WASL: variants seen among roughly 807,000 people sequenced by gnomAD.
WASL encodes WASP like actin nucleation promoting factor.
WASL carries 20 observed loss-of-function variants against 55.5 expected under a neutral mutation model. The ratio of observed to expected loss-of-function variants is 0.36; its 90% CI spans 0.25 to 0.52. WASL has a LOEUF of 0.52. Ranked by LOEUF, WASL falls within the 20% of genes least tolerant of loss-of-function variation. The pLI is 0.92. For synonymous variants in WASL, 249 were observed against 217.6 expected (o/e 1.14, Z -1.27); for missense variants, 504 against 622.5 (o/e 0.81, Z 2.03).
Position 123,696,717 on chromosome 7 carries a change from A to G in WASL, c.491T>C (p.Ile164Thr). Residue 164 changes from isoleucine to threonine, a missense_variant, in exon 6 of 11, where the codon ATA (isoleucine) becomes ACA (threonine). Ile to Thr is a moderately conservative substitution (Grantham distance 89, BLOSUM62 -1). Coordinates refer to ENST00000223023, the MANE Select transcript of WASL (RefSeq NM_003941.4). ...ATTTGTTGTGATTTCTGGATTTTTT[A>G]TATCAACTGTAGCCATGGGTAGATT... is the stretch of plus-strand genomic sequence containing the variant. ...GPNLPMATVD[I>T]KNPEITTNRF... 6.3e-7 allele frequency: 1 copy of G among 1,598,168 alleles called. No homozygotes were observed. Among genetic ancestry groups the G allele is most frequent in the Non-Finnish European group, 8.5e-7 (1 of 1,172,330 alleles).
At chr7:123,702,245 G>A (rs1005182066) in intron 5 of WASL, among the ~76,000 whole-genome samples, 34 of 152,058 alleles carry the variant, frequency 2.2e-4, no homozygotes, top group Non-Finnish European at 2.5e-4. Flanking sequence ...TAATAGAGAC[G>A]GGGTTTCGTT....
chr7:123,740,017 T>C lies in WASL; in HGVS notation c.117+8601A>G, dbSNP rs576885750. On this transcript the variant is annotated intron_variant, in intron 1 of 10. Transcript: ENST00000223023. The stretch of plus-strand genomic sequence containing the variant: ...ATAACTGAGGGGTAAAACCTGGATT[T>C]TCCTTACTGCTCCCTCATATTCCAA... Among the ~76,000 whole-genome samples the C allele has an allele frequency of 9.9e-5, 15 of 152,104 alleles. No homozygotes were observed. In the South Asian group the frequency reaches 2.9e-3, roughly 29 times the overall value.
intron 5 of WASL, among the ~76,000 whole-genome samples, chr7:123,701,821 T>C (rs1454628193): frequency 6.6e-6 from 1 of 152,136 alleles, no homozygotes; most frequent in Non-Finnish European, 1.5e-5. Context: ...TTACAACTTG[T>C]ATTAATAATT....
At chr7:123,734,321 A>C (rs1804190214) in intron 1 of WASL, among the ~76,000 whole-genome samples, 1 of 152,160 alleles carries the variant, frequency 6.6e-6, no homozygotes, top group African/African-American at 2.4e-5. Flanking sequence ...AAAAAATCTG[A>C]CAAAGGACCT....
In WASL at chr7:123,689,046, A is replaced by C; in HGVS notation, c.1452T>G (p.Ser484=). ...VMQKRSKAIH[S]SDEDEDEDDE... ...TCTCTCTCTCTCTCTCTCTACCTGA[A>C]GAATGAATGGCTTTGCTCCTTTTCT... is the stretch of plus-strand genomic sequence containing the variant. The change falls in exon 10 of 11, where the codon TCT becomes TCG. Residue 484 remains serine, a synonymous_variant. Coordinates refer to ENST00000223023, the MANE Select transcript of WASL (RefSeq NM_003941.4). The C allele has an allele frequency of 2.5e-6, 4 of 1,609,784 alleles. No homozygotes were observed. The African/African-American group carries it at 5.3e-5, about 22-fold the overall frequency.
At chr7:123,747,314 TCTCGTTTTGAGCCA>T (rs1435266096) in intron 1 of WASL, among the ~76,000 whole-genome samples, 2 of 152,134 alleles carry the variant, frequency 1.3e-5, no homozygotes, top group Non-Finnish European at 2.9e-5. Flanking sequence ...TACCCAAAAT[TCTCGTTTTGAGCCA>T]CTCCTCTTGT....
chr7:123,705,770 A>G (rs1803659264), intron 4 of WASL, among the ~76,000 whole-genome samples: 1 of 152,194 alleles, frequency 6.6e-6, no homozygotes, highest in South Asian at 2.1e-4. Context: ...TTTATAGTAT[A>G]TAGCATTAGG....
rs1299991883 is a variant in WASL at position 123,684,210 on chromosome 7, T to C, written c.*309A>G. On this transcript the variant is annotated 3_prime_UTR_variant, in exon 11 of 11. Coordinates refer to ENST00000223023, the MANE Select transcript of WASL (RefSeq NM_003941.4). ...CTTCTGGCATTATAAGTAAATTACA[T>C]TAAGGTTTTTGTCAGTCTCACATAT... 1 of 157,816 alleles carries C rather than the reference T, an allele frequency of 6.3e-6. No homozygotes were observed. Among genetic ancestry groups the C allele is most frequent in the Non-Finnish European group, 1.4e-5 (1 of 71,992 alleles). 9.8% of individuals were successfully genotyped at this position (157,816 alleles called of 1,614,324 possible). A position where few individuals can be genotyped will look rare whatever the true frequency, so the allele number is the denominator to read the frequency against.
At chr7:123,725,393 A>C (rs1804025348) in intron 1 of WASL, among the ~76,000 whole-genome samples, 1 of 152,172 alleles carries the variant, frequency 6.6e-6, no homozygotes, top group Non-Finnish European at 1.5e-5. Flanking sequence ...GGAGGGATAT[A>C]ATTTGAAAAC....
At chr7:123,746,422 G>A (rs1418735823) in intron 1 of WASL, among the ~76,000 whole-genome samples, 1 of 152,178 alleles carries the variant, frequency 6.6e-6, no homozygotes, top group Non-Finnish European at 1.5e-5. Flanking sequence ...AAATCTTACT[G>A]CTGGATTTAT....
chr7:123,740,471 A>G (rs1001569014), intron 1 of WASL, among the ~76,000 whole-genome samples: 4 of 152,166 alleles, frequency 2.6e-5, no homozygotes, highest in African/African-American at 9.7e-5. Context: ...TTTGTATTAC[A>G]CTATATTTAT....
chr7:123,706,264 A>T lies in WASL; in HGVS notation c.436+13T>A, dbSNP rs368021313. ...GTTTGCTGGCCTGATTTAAGTAATT[A>T]AAAAAGGGTTACCAGATTTCCTTTG... On this transcript the variant is annotated intron_variant, in intron 4 of 10. Transcript: ENST00000223023. 4.0e-5 allele frequency: 65 copies of T among 1,608,610 alleles called. No homozygotes were observed. The highest frequency in any genetic ancestry group is 1.3e-4 in the African/African-American group (10 of 74,724).
intron 1 of WASL, among the ~76,000 whole-genome samples, chr7:123,747,755 C>A (rs1804458282): frequency 6.6e-6 from 1 of 152,124 alleles, no homozygotes; most frequent in African/African-American, 2.4e-5. Context: ...AACCTCCCCA[C>A]CCCCAGAATT....
intron 1 of WASL, among the ~76,000 whole-genome samples, chr7:123,719,540 T>C (rs986040459): frequency 7.2e-5 from 11 of 152,194 alleles, no homozygotes; most frequent in East Asian, 3.9e-4. Flanking sequence ...CCAGGACACA[T>C]AGCCCTTCTG....
Position 123,728,863 on chromosome 7 carries a change from A to AAAAAC in WASL, c.118-19645_118-19641dup, listed in dbSNP as rs779867306. On this transcript the variant is annotated intron_variant, in intron 1 of 10. Coordinates refer to ENST00000223023, the MANE Select transcript of WASL (RefSeq NM_003941.4). ...TTAGTCGTCTGGAGACTCTGTCTCA[A>AAAAAC]AAAACAAAACAAAACAAACGAACGA... is the stretch of plus-strand genomic sequence containing the variant. Among the ~76,000 whole-genome samples, 6 of 152,326 alleles carry AAAAAC rather than the reference A, an allele frequency of 3.9e-5. No homozygotes were observed. In the East Asian group the frequency reaches 9.6e-4, roughly 24 times the overall value.
At chr7:123,730,787 CTATTT>C (rs1192809744) in intron 1 of WASL, among the ~76,000 whole-genome samples, 2 of 152,074 alleles carry the variant, frequency 1.3e-5, no homozygotes, top group African/African-American at 4.8e-5. Flanking sequence ...TACAAGAAAC[CTATTT>C]TATTTATTTC....
intron 1 of WASL, among the ~76,000 whole-genome samples, chr7:123,724,383 A>G (rs1368049954): frequency 6.6e-6 from 1 of 152,182 alleles, no homozygotes; most frequent in South Asian, 2.1e-4. Context: ...CAAACTCCAT[A>G]TATGTAGAGT....
chr7:123,740,489 G>A (rs1240907938), intron 1 of WASL, among the ~76,000 whole-genome samples: 1 of 152,086 alleles, frequency 6.6e-6, no homozygotes, highest in Non-Finnish European at 1.5e-5. Context: ...TATGAATATG[G>A]TTAAGCATGC....
intron 1 of WASL, among the ~76,000 whole-genome samples, chr7:123,739,703 T>C (rs1804296801): frequency 6.6e-6 from 1 of 152,272 alleles, no homozygotes; most frequent in East Asian, 1.9e-4. Context: ...ATTTTCAACT[T>C]ACGACAGGTT....
Sources: allele counts gnomAD v4.1 joint callset (sites outside exome capture counted in the v4.1 genomes callset), GRCh38; gene constraint gnomAD v4.1.1; transcripts MANE v1.5; gene names NCBI Gene and HGNC (gene_info 2026-07-23, HGNC 2026-07-21).